The following IL27 variants were observed in gnomAD, a reference collection of about 807,000 sequenced individuals.
IL27 encodes the protein interleukin 27.
A neutral mutation model predicts 27.0 loss-of-function variants in IL27; 11 were observed. The observed-to-expected ratio is 0.41, with a 90% CI of 0.26 to 0.67. The LOEUF (loss-of-function observed/expected upper bound fraction) is 0.67. Among genes scored for constraint, IL27 ranks in the 30% least tolerant of loss-of-function variants. The pLI is 0.34. For synonymous variants in IL27, 134 were observed against 140.6 expected (o/e 0.95, Z 0.33); for missense variants, 299 against 310.4 (o/e 0.96, Z 0.28).
In IL27 at chr16:28,503,887, G is replaced by T; in HGVS notation, c.195C>A (p.Ala65=). The T allele has an allele frequency of 1.2e-6, 2 of 1,614,158 alleles. No individual in the cohort carries two copies. Among genetic ancestry groups the T allele is most frequent in the Non-Finnish European group, 1.7e-6 (2 of 1,180,004 alleles). Reference sequence around the variant, plus strand: ...CATTAGGGGGACTTACAAAGCGGTGGGCCTGGCCCCGAACCTCGGAGAGCA... The same window carrying T: ...CATTAGGGGGACTTACAAAGCGGTGTGCCTGGCCCCGAACCTCGGAGAGCA... ...RKLLSEVRGQ[A]HRFAESHLPG... The change falls in exon 2 of 5, where the codon GCC becomes GCA. Residue 65 remains alanine (A), a synonymous_variant. Transcript: ENST00000356897.
chr16:28,506,056 G>A (rs1483720799), intron 1 of IL27, among the ~76,000 whole-genome samples: 1 of 152,158 alleles, frequency 6.6e-6, no homozygotes, highest in Non-Finnish European at 1.5e-5. Context: ...CTAGCTCAAT[G>A]TTGGGGACAG....
rs140261120 is a variant in IL27 at position 28,501,180 on chromosome 16, CTT to C, written c.462+794_462+795del. 8.4e-4 allele frequency among the ~76,000 whole-genome samples: 128 copies of C among 151,508 alleles called. 2 individuals carry two copies. In the East Asian group the frequency reaches 0.022, roughly 26 times the overall value. On this transcript the variant is annotated intron_variant, in intron 4 of 4. Transcript: ENST00000356897. ...CTCCAGCCTGGGCGACAGAGTGAGA[CTT>C]AGTCTCAGAAAAAAAAAAAAATCGT...
In IL27 at chr16:28,503,813, A is replaced by G. The variant is rs746955151; in HGVS notation, c.205-20T>C. Reference sequence around the variant, plus strand: ...TTCCGCCTGGGGGGCAAGGTCTGTTAGTGGGGGCCAGAAGGGATTGGGGGT... The same window carrying G: ...TTCCGCCTGGGGGGCAAGGTCTGTTGGTGGGGGCCAGAAGGGATTGGGGGT... On this transcript the variant is annotated intron_variant, in intron 2 of 4. Coordinates refer to ENST00000356897, the MANE Select transcript of IL27 (RefSeq NM_145659.3). The G allele has an allele frequency of 9.3e-6, 15 of 1,611,804 alleles. No homozygotes were observed. Among genetic ancestry groups the G allele is most frequent in the African/African-American group, 1.3e-5 (1 of 74,820 alleles).
chr16:28,502,222 C>T, intron 3 of IL27, 88 bp from the exon 4 acceptor site: 3 of 1,264,628 alleles, frequency 2.4e-6, no homozygotes, highest in Non-Finnish European at 1.1e-6. Context: ...GTCTCCTTCC[C>T]ATTCCACGCT....
rs773903489 is a variant in IL27, at chr16:28,501,969, GC to G, written c.462+6del. On this transcript the variant is annotated splice_donor_region_variant and intron_variant, in intron 4 of 4. Coordinates refer to ENST00000356897, the MANE Select transcript of IL27 (RefSeq NM_145659.3). ...GTCTGGGGTGGTGGAGGGTGGCCGGGCTCTACCTGGAAGCGGAGGTGCCGCT... is the reference window on the plus strand; with the variant it reads ...GTCTGGGGTGGTGGAGGGTGGCCGGGTCTACCTGGAAGCGGAGGTGCCGCT... The G allele has an allele frequency of 1.5e-5, 24 of 1,600,502 alleles. No individual in the cohort carries two copies. Among genetic ancestry groups the G allele is most frequent in the Non-Finnish European group, 2.0e-5 (23 of 1,175,804 alleles).
Position 28,499,850 on chromosome 16 carries a change from TTCCTC to T in IL27, c.528_532del (p.Arg177GlyfsTer135). 1.3e-6 allele frequency: 2 copies of T among 1,562,944 alleles called. No individual in the cohort carries two copies. Among genetic ancestry groups the T allele is most frequent in the Non-Finnish European group, 1.7e-6 (2 of 1,153,818 alleles). ...GCCCAGTGCCCCTGGGAGCAGCCCC[TTCCTC>T]TCCTCCTCCTCCTCCTCCTCTTCCT... On this transcript the variant is annotated frameshift_variant, in exon 5 of 5. Coordinates refer to ENST00000356897, the MANE Select transcript of IL27 (RefSeq NM_145659.3). LOFTEE classifies it high-confidence loss of function.
intron 4 of IL27, 53 bp from the exon 5 acceptor site, chr16:28,499,973 A>T: frequency 6.7e-7 from 1 of 1,488,178 alleles, no homozygotes; most frequent in Non-Finnish European, 9.0e-7. Context: ...ACCTGAGAGG[A>T]ATCCTCATTC....
At chr16:28,503,343 G>A (rs1205745178) in intron 3 of IL27, among the ~76,000 whole-genome samples, 1 of 152,096 alleles carries the variant, frequency 6.6e-6, no homozygotes, top group Non-Finnish European at 1.5e-5. Flanking sequence ...TCCAACTCCT[G>A]AGCTCAAGCA....
At chr16:28,501,910 A>G (rs2046434077) in intron 4 of IL27, 66 bp downstream of exon 4, 1 of 1,522,738 alleles carries the variant, frequency 6.6e-7, no homozygotes, top group South Asian at 1.2e-5. Context: ...GCATGGGATC[A>G]CTGAATGAGC....
At position 28,499,598 on chromosome 16, in the gene IL27, C is replaced by A; in HGVS notation, c.*53G>T. 6.8e-7 allele frequency: 1 copy of A among 1,462,076 alleles called. No individual in the cohort carries two copies. The highest frequency in any genetic ancestry group is 9.4e-7 in the Non-Finnish European group (1 of 1,067,814). The allele number at this position is 1,462,076 out of a possible 1,614,324, so 90.6% of individuals were successfully genotyped here. On this transcript the variant is annotated 3_prime_UTR_variant, in exon 5 of 5. Transcript: ENST00000356897. ...TGCGAAGGCTGCCCTGATGCCAAGA[C>A]TCCAGTCCTAAAGTTCTAAAGGGTG...
Position 28,499,704 on chromosome 16 carries a change from C to A in IL27, c.679G>T (p.Ala227Ser), listed in dbSNP as rs777669046. The A allele has an allele frequency of 3.7e-6, 6 of 1,613,530 alleles. No individual in the cohort carries two copies. The highest frequency in any genetic ancestry group is 2.2e-5 in the South Asian group (2 of 90,940). Reference protein sequence around the residue: ...AVRELLLLSKAGHSVWPLGFP... With the variant: ...AVRELLLLSKSGHSVWPLGFP... ...CCCAAGGGCCAGACTGAGTGCCCAG[C>A]CTTGGACAGCAGCAGCAACTCCCGC... The change falls in exon 5 of 5, where the codon GCT becomes TCT. Residue 227 changes from alanine to serine, a missense_variant. Ala to Ser is a moderately conservative substitution (Grantham distance 99, BLOSUM62 1). Coordinates refer to ENST00000356897, the MANE Select transcript of IL27 (RefSeq NM_145659.3).
At chr16:28,501,884 C>G in intron 4 of IL27, 92 bp downstream of exon 4, 1 of 1,433,506 alleles carries the variant, frequency 7.0e-7, no homozygotes, top group Non-Finnish European at 9.5e-7. Flanking sequence ...CACTCTCACA[C>G]TCACACACAC....
chr16:28,506,315 G>A (rs1025519269), intron 1 of IL27, among the ~76,000 whole-genome samples: 1 of 152,090 alleles, frequency 6.6e-6, no homozygotes, highest in Non-Finnish European at 1.5e-5. Context: ...GCCACCAGCC[G>A]CAGATTGGAC....
rs2046417376 is a variant in IL27, at chr16:28,499,365, A to T, written c.*286T>A. ...GAAGAGAAGCGGAGGCCAGGGGTGG[A>T]TGAGAGTGCTTTATTGGGCACCCAG... On this transcript the variant is annotated 3_prime_UTR_variant, in exon 5 of 5. Transcript: ENST00000356897. The T allele has an allele frequency of 2.6e-6, 1 of 388,540 alleles. No homozygotes were observed. Among genetic ancestry groups the T allele is most frequent in the South Asian group, 4.5e-5 (1 of 22,442 alleles). The allele number at this position is 388,540 out of a possible 1,614,324, so 24.1% of individuals were successfully genotyped here. A position where few individuals can be genotyped will look rare whatever the true frequency, so the allele number is the denominator to read the frequency against.
At chr16:28,505,912 A>C (rs2046458488) in intron 1 of IL27, among the ~76,000 whole-genome samples, 1 of 152,148 alleles carries the variant, frequency 6.6e-6, no homozygotes, top group Admixed American at 6.6e-5. Flanking sequence ...TTCTAGGGAC[A>C]TCTACCTCCC....
At chr16:28,506,070 GGGTGCCCCCAGGCCCT>G (rs1338136416) in intron 1 of IL27, among the ~76,000 whole-genome samples, 1 of 152,114 alleles carries the variant, frequency 6.6e-6, no homozygotes, top group Non-Finnish European at 1.5e-5. Flanking sequence ...GGGACAGGGT[GGGTGCCCCCAGGCCCT>G]GGTGGATCAA....
rs535359705 is a variant in IL27 at position 28,499,887 on chromosome 16, C to T, written c.496G>A (p.Glu166Lys). 24 of 1,552,374 alleles carry T rather than the reference C, an allele frequency of 1.5e-5. No homozygotes were observed. Among genetic ancestry groups the T allele is most frequent in the African/African-American group, 5.5e-5 (4 of 73,200 alleles). ...LAAGFNLPEE[E>K]EEEEEEEEEE... ...TCCTCCTCCTCCTCTTCCTCCTCCT[C>T]CTCCTCCGGGAGGTTGAATCCTGCA... is the stretch of plus-strand genomic sequence containing the variant. The change falls in exon 5 of 5, where the codon GAG becomes AAG. Residue 166 changes from glutamate (E) to lysine (K), a missense_variant. Glu to Lys is a moderately conservative substitution (Grantham distance 56). Coordinates refer to ENST00000356897, the MANE Select transcript of IL27 (RefSeq NM_145659.3).
At chr16:28,499,946 G>A in intron 4 of IL27, 26 bp from the exon 5 acceptor site, 1 of 1,522,992 alleles carries the variant, frequency 6.6e-7, no homozygotes. Flanking sequence ...ATGGGTCAGG[G>A]AGGGGCCAGG....
chr16:28,500,031 A>G, intron 4 of IL27, 111 bp from the exon 5 acceptor site: 3 of 1,362,752 alleles, frequency 2.2e-6, no homozygotes, highest in Non-Finnish European at 2.9e-6. Context: ...CCACAAGGTC[A>G]TGATTTCCCC....
Sources: allele counts gnomAD v4.1 joint callset (sites outside exome capture counted in the v4.1 genomes callset), GRCh38; gene constraint gnomAD v4.1.1; transcripts MANE v1.5; gene names NCBI Gene and HGNC (gene_info 2026-07-23, HGNC 2026-07-21).